GK: variants seen among roughly 807,000 people sequenced by gnomAD.
The protein encoded by GK is glycerol kinase.
Under a neutral mutation model 56.4 loss-of-function variants are expected in GK, and 9 were observed. The ratio of observed to expected loss-of-function variants is 0.16; its 90% CI spans 0.10 to 0.28. The LOEUF is 0.28. GK is among the 10% of genes least tolerant of loss of function. The probability of loss-of-function intolerance (pLI) is 1.00; values close to 1 mark genes in which losing one functional copy is unlikely to be tolerated. For synonymous variants in GK, 104 were observed against 144.1 expected (o/e 0.72, Z 1.99); for missense variants, 161 against 431.4 (o/e 0.37, Z 5.55).
chrX:30,707,704 A>ATCT, intron 12 of GK, 106 bp downstream of exon 12: 1 of 506,596 alleles, frequency 2.0e-6, no homozygotes. Flanking sequence ...CTTTTACTTA[A>ATCT]TCTTTATCAG....
chrX:30,703,903 G>T (rs776996848), intron 11 of GK, among the ~76,000 whole-genome samples: 32 of 106,287 alleles, frequency 3.0e-4, no homozygotes, highest in African/African-American at 1.1e-3. Flanking sequence ...GGAGGCTGCA[G>T]TGAGCCGAGA....
At chrX:30,666,112 A>G (rs1326161088) in intron 2 of GK, among the ~76,000 whole-genome samples, 3 of 111,804 alleles carry the variant, frequency 2.7e-5, no homozygotes, top group Non-Finnish European at 3.8e-5. Context: ...TTGCAAAGCT[A>G]ACCATACACC....
intron 13 of GK, among the ~76,000 whole-genome samples, chrX:30,718,175 T>A (rs1386693819): frequency 9.0e-6 from 1 of 111,676 alleles, no homozygotes; most frequent in Non-Finnish European, 1.9e-5. Context: ...TAATGTGGCC[T>A]CTCCCAATAA....
chrX:30,663,961 TTA>T (rs1172517846), intron 1 of GK, among the ~76,000 whole-genome samples: 3 of 92,712 alleles, frequency 3.2e-5, no homozygotes, highest in Non-Finnish European at 4.1e-5. Context: ...TATCTATATA[TTA>T]TATATATATT....
chrX:30,654,004 G>A (rs12010068), intron 1 of GK, among the ~76,000 whole-genome samples: 1,835 of 112,643 alleles, frequency 0.016, 28 homozygotes, highest in African/African-American at 0.052. Context: ...GCGAGACACA[G>A]GACGTCCTTG....
chrX:30,662,709 T>TTTTC (rs201163775), intron 1 of GK, among the ~76,000 whole-genome samples: 8,416 of 102,456 alleles, frequency 0.082, 494 homozygotes, highest in East Asian at 0.34. Context: ...CTCTTTCTCT[T>TTTTC]TTTCTTTCTT....
chrX:30,678,038 C>T lies in GK; in HGVS notation c.337+586C>T, dbSNP rs1934033684. 7.4e-6 allele frequency: 4 copies of T among 543,394 alleles called. No homozygotes were observed. The East Asian group carries it at 1.3e-4, about 18-fold the overall frequency. The allele number at this position is 543,394 out of a possible 1,213,427, so 44.8% of individuals were successfully genotyped here. On this transcript the variant is annotated intron_variant, in intron 4 of 20. Transcript: ENST00000427190. ...AATGTTTGCCAAATTGTTTTATAAC[C>T]CCTGCTGTTTGTGACATCTAAAAGA...
At chrX:30,703,563 A>G (rs1251627009) in intron 11 of GK, among the ~76,000 whole-genome samples, 2 of 111,970 alleles carry the variant, frequency 1.8e-5, no homozygotes, top group African/African-American at 3.2e-5. Flanking sequence ...AGCCAAAGTA[A>G]GGAAAGGGTC....
chrX:30,662,715 TTC>T (rs1232313520), intron 1 of GK, among the ~76,000 whole-genome samples: 6 of 101,857 alleles, frequency 5.9e-5, no homozygotes, highest in Non-Finnish European at 9.9e-5. Flanking sequence ...CTCTTTTTCT[TTC>T]TTTCTTTCTT....
At chrX:30,716,727 T>C (rs1273791354) in intron 13 of GK, among the ~76,000 whole-genome samples, 1 of 111,928 alleles carries the variant, frequency 8.9e-6, no homozygotes, top group East Asian at 2.8e-4. Flanking sequence ...TTAGTTCTCT[T>C]GAATGATCCC....
rs768321912 is a variant in GK at position 30,720,760 on chromosome X, C to T, written c.1357+19C>T. 1 of 1,208,204 alleles carries T rather than the reference C, an allele frequency of 8.3e-7. No homozygotes were observed. Among genetic ancestry groups the T allele is most frequent in the Middle Eastern group, 2.3e-4 (1 of 4,340 alleles). ...CCAGTAGGTTAGTAAGTCTTCATTC[C>T]TTTAAACTCCCAGAGTAATGTTTCT... On this transcript the variant is annotated intron_variant, in intron 17 of 20. Coordinates refer to ENST00000427190, the MANE Select transcript of GK (RefSeq NM_001205019.2).
intron 4 of GK, chrX:30,689,773 G>A: frequency 4.4e-6 from 1 of 225,061 alleles, no homozygotes; most frequent in Non-Finnish European, 8.5e-6. Context: ...GAGGGTGAGG[G>A]TGGAACGATT....
chrX:30,693,713 T>A (rs749555826), intron 5 of GK, among the ~76,000 whole-genome samples: 1 of 110,223 alleles, frequency 9.1e-6, no homozygotes, highest in Non-Finnish European at 1.9e-5. Flanking sequence ...TATGCCCAGC[T>A]AATTTTTATA....
intron 15 of GK, 49 bp downstream of exon 15, chrX:30,719,564 C>A: frequency 2.8e-6 from 2 of 701,836 alleles, no homozygotes; most frequent in Non-Finnish European, 4.6e-6. Context: ...ATTTATTTAC[C>A]AAAGTCGTTA....
intron 3 of GK, among the ~76,000 whole-genome samples, chrX:30,672,668 G>T (rs902454771): frequency 1.8e-5 from 2 of 111,562 alleles, no homozygotes; most frequent in Non-Finnish European, 3.8e-5. Context: ...ACAAAAATTA[G>T]CTGGGCATGG....
intron 1 of GK, among the ~76,000 whole-genome samples, chrX:30,656,103 G>C (rs1488609264): frequency 8.9e-6 from 1 of 111,953 alleles, no homozygotes; most frequent in African/African-American, 3.2e-5. Flanking sequence ...CTTAGGAATG[G>C]TTTAGCAAGG....
At chrX:30,657,237 T>C (rs1331366173) in intron 1 of GK, among the ~76,000 whole-genome samples, 1 of 112,742 alleles carries the variant, frequency 8.9e-6, no homozygotes, top group African/African-American at 3.2e-5. Flanking sequence ...TCTTACATTT[T>C]AGTAGTAGAC....
intron 3 of GK, among the ~76,000 whole-genome samples, chrX:30,672,427 C>A (rs894355698): frequency 4.5e-5 from 5 of 111,353 alleles, no homozygotes; most frequent in African/African-American, 1.6e-4. Flanking sequence ...CAGGAAGGCA[C>A]CTCGTTCTCC....
chrX:30,684,731 T>TCCCTGGC (rs1372918684), intron 4 of GK, among the ~76,000 whole-genome samples: 2 of 94,535 alleles, frequency 2.1e-5, no homozygotes, highest in Non-Finnish European at 4.2e-5. Flanking sequence ...AAGGCAAGAG[T>TCCCTGGC]CCCTGGCTTA....
Sources: gnomAD v4.1 joint callset for allele counts (sites outside exome capture counted in the v4.1 genomes callset) on GRCh38, gnomAD v4.1.1 for gene constraint, MANE v1.5 for transcripts, NCBI Gene and HGNC (gene_info 2026-07-23, HGNC 2026-07-21) for gene names.